PDE3B: variants seen among roughly 807,000 people sequenced by gnomAD.
The protein encoded by PDE3B is phosphodiesterase 3B, also known as cGMP-inhibited 3',5'-cyclic phosphodiesterase 3B.
A neutral mutation model predicts 116.8 loss-of-function variants in PDE3B; 66 were observed. That is an observed-to-expected ratio of 0.56 (90% CI 0.46 to 0.69). The LOEUF (loss-of-function observed/expected upper bound fraction) is 0.69. Ranked by LOEUF, PDE3B falls within the 30% of genes least tolerant of loss-of-function variation. PDE3B has a pLI of 0.00. For synonymous variants in PDE3B, 595 were observed against 533.6 expected (o/e 1.12, Z -1.59); for missense variants, 1,384 against 1,368.1 (o/e 1.01, Z -0.18).
intron 1 of PDE3B, among the ~76,000 whole-genome samples, chr11:14,723,544 A>G (rs1409370259): frequency 6.6e-6 from 1 of 152,132 alleles, no homozygotes; most frequent in Non-Finnish European, 1.5e-5. Flanking sequence ...GCCTGAGGCC[A>G]GGAGTTTGAG....
At chr11:14,758,273 A>G (rs1251902790) in intron 1 of PDE3B, among the ~76,000 whole-genome samples, 1 of 149,448 alleles carries the variant, frequency 6.7e-6, no homozygotes, top group African/African-American at 2.5e-5. Context: ...CTTAGGATTG[A>G]CTTGGCGATG....
At chr11:14,780,990 C>T (rs530676738) in intron 2 of PDE3B, among the ~76,000 whole-genome samples, 12 of 152,196 alleles carry the variant, frequency 7.9e-5, no homozygotes, top group African/African-American at 9.6e-5. Flanking sequence ...ATATCACCAC[C>T]AATCCTACAG....
chr11:14,849,086 A>G (rs1847680094), intron 12 of PDE3B, among the ~76,000 whole-genome samples: 1 of 152,080 alleles, frequency 6.6e-6, no homozygotes, highest in Non-Finnish European at 1.5e-5. Context: ...ACTTCAAACT[A>G]TACTACAAGG....
At chr11:14,645,656 C>A (rs181755974) in intron 1 of PDE3B, among the ~76,000 whole-genome samples, 3 of 152,124 alleles carry the variant, frequency 2.0e-5, no homozygotes, top group African/African-American at 7.2e-5. Flanking sequence ...ATTCAATGTT[C>A]TTTGTATTTG....
At chr11:14,825,116 C>A (rs1859647087) in intron 7 of PDE3B, among the ~76,000 whole-genome samples, 1 of 151,950 alleles carries the variant, frequency 6.6e-6, no homozygotes. Context: ...ACTACGAGAC[C>A]CACTTAAAAG....
Position 14,644,749 on chromosome 11 carries a change from T to C in PDE3B, c.674T>C (p.Leu225Pro), listed in dbSNP as rs748214400. ...CGGCACTGCGTTCTGGTGCTGCTCC[T>C]GGCCAGCTTCGTCTGGTGGGTCTCC... Reference protein sequence around the residue: ...RLRHCVLVLLLASFVWWVSFT... With the variant: ...RLRHCVLVLLPASFVWWVSFT... Residue 225 changes from leucine (L) to proline (P), a missense_variant, in exon 1 of 16, where the codon CTG (leucine) becomes CCG (proline). Leu to Pro is a moderately conservative substitution (Grantham distance 98). Transcript: ENST00000282096. 2 of 1,588,100 alleles carry C rather than the reference T, an allele frequency of 1.3e-6. No homozygotes were observed. The highest frequency in any genetic ancestry group is 1.1e-5 in the South Asian group (1 of 88,602).
chr11:14,779,165 A>G (rs564015445), intron 2 of PDE3B, among the ~76,000 whole-genome samples: 1 of 152,344 alleles, frequency 6.6e-6, no homozygotes, highest in South Asian at 2.1e-4. Flanking sequence ...ATATGGGACT[A>G]TATGAAAAGA....
At chr11:14,690,167 C>T (rs955140309) in intron 1 of PDE3B, among the ~76,000 whole-genome samples, 11 of 152,034 alleles carry the variant, frequency 7.2e-5, no homozygotes, top group Non-Finnish European at 1.5e-4. Context: ...ATTAGAAGTA[C>T]GTGGTAGGAT....
rs529186351 is a variant in PDE3B at position 14,644,126 on chromosome 11, G to A, written c.51G>A (p.Pro17=). ...AAGCCATGCGGTCCCTGCAGCCGCC[G>A]GATGGGGCCGGCTCGCCCCCCGAGA... ...DAKAMRSLQP[P]DGAGSPPESL... is the part of the protein sequence containing the mutation. The change falls in exon 1 of 16, where the codon CCG becomes CCA. Residue 17 remains proline, a synonymous_variant. Transcript: ENST00000282096. 1.9e-6 allele frequency: 3 copies of A among 1,583,116 alleles called. No individual in the cohort carries two copies. Among genetic ancestry groups the A allele is most frequent in the African/African-American group, 1.4e-5 (1 of 73,448 alleles).
At chr11:14,844,071 T>C in intron 12 of PDE3B, 45 bp downstream of exon 12, 2 of 1,436,558 alleles carry the variant, frequency 1.4e-6, no homozygotes, top group Non-Finnish European at 2.0e-6. Flanking sequence ...TTCTGAAATT[T>C]TCAGTCATGC....
intron 2 of PDE3B, among the ~76,000 whole-genome samples, chr11:14,780,672 A>G (rs1393794511): frequency 1.3e-5 from 2 of 152,238 alleles, no homozygotes; most frequent in Non-Finnish European, 2.9e-5. Flanking sequence ...AGTAGTGTGT[A>G]GAGGGAAATT....
intron 1 of PDE3B, among the ~76,000 whole-genome samples, chr11:14,650,380 T>TC (rs1279445693): frequency 4.6e-5 from 7 of 151,906 alleles, no homozygotes; most frequent in African/African-American, 1.7e-4. Flanking sequence ...TTTTTGTATC[T>TC]TTTTTTTGTA....
chr11:14,810,948 T>C (rs1859107975), intron 5 of PDE3B, among the ~76,000 whole-genome samples: 1 of 150,304 alleles, frequency 6.7e-6, no homozygotes, highest in South Asian at 2.1e-4. Flanking sequence ...ATGTGTTTTT[T>C]GGCTGCATAA....
intron 15 of PDE3B, among the ~76,000 whole-genome samples, chr11:14,868,297 C>T (rs1341419179): frequency 2.0e-5 from 3 of 152,204 alleles, no homozygotes; most frequent in Admixed American, 6.5e-5. Context: ...GAGGTGGATC[C>T]TCATGGCAAG....
chr11:14,686,021 A>G (rs1854863661), intron 1 of PDE3B, among the ~76,000 whole-genome samples: 1 of 152,132 alleles, frequency 6.6e-6, no homozygotes, highest in Non-Finnish European at 1.5e-5. Flanking sequence ...GATTTTCACC[A>G]ATATCTACTT....
At chr11:14,844,526 G>A (rs1398048996) in intron 12 of PDE3B, among the ~76,000 whole-genome samples, 1 of 152,230 alleles carries the variant, frequency 6.6e-6, no homozygotes, top group Admixed American at 6.5e-5. Flanking sequence ...GCCGAAGCAG[G>A]GCGAGGCATT....
intron 1 of PDE3B, among the ~76,000 whole-genome samples, chr11:14,712,015 C>T (rs1387010078): frequency 6.6e-6 from 1 of 152,168 alleles, no homozygotes; most frequent in Non-Finnish European, 1.5e-5. Context: ...TTTAGTCATT[C>T]TTCTAAGTCC....
intron 1 of PDE3B, among the ~76,000 whole-genome samples, chr11:14,752,079 A>G (rs895271776): frequency 6.6e-6 from 1 of 152,164 alleles, no homozygotes; most frequent in Non-Finnish European, 1.5e-5. Context: ...TACTTGCTAC[A>G]CTCATCTTCT....
chr11:14,656,694 G>A (rs930103600), intron 1 of PDE3B, among the ~76,000 whole-genome samples: 1 of 152,188 alleles, frequency 6.6e-6, no homozygotes, highest in East Asian at 1.9e-4. Context: ...ATGTTGTGAG[G>A]ATTAATAACC....
Sources: allele counts gnomAD v4.1 joint callset (sites outside exome capture counted in the v4.1 genomes callset), GRCh38; gene constraint gnomAD v4.1.1; transcripts MANE v1.5; gene names NCBI Gene and HGNC (gene_info 2026-07-23, HGNC 2026-07-21).